VMP1: variants seen among roughly 807,000 people sequenced by gnomAD.
The protein encoded by VMP1 is ectopic P-granules autophagy protein 3 homolog.
A neutral mutation model predicts 56.0 loss-of-function variants in VMP1; 11 were observed. The ratio of observed to expected loss-of-function variants is 0.20; its 90% CI spans 0.12 to 0.32. VMP1 has a LOEUF of 0.32. Among genes scored for constraint, VMP1 ranks in the 10% least tolerant of loss-of-function variants. The pLI is 1.00. For missense variants in VMP1, 296 were observed against 490.3 expected, an observed-to-expected ratio of 0.60 and a Z score of 3.74; for synonymous variants, 149 against 165.0, an observed-to-expected ratio of 0.90 and a Z score of 0.74.
chr17:59,757,696 A>G (rs1006619573), intron 5 of VMP1, among the ~76,000 whole-genome samples: 3 of 152,176 alleles, frequency 2.0e-5, no homozygotes, highest in Admixed American at 6.5e-5. Context: ...ATCTTTGGAA[A>G]ATATAATGTA....
intron 7 of VMP1, among the ~76,000 whole-genome samples, chr17:59,800,221 A>G: frequency 6.6e-6 from 1 of 152,332 alleles, no homozygotes; most frequent in Admixed American, 6.5e-5. Flanking sequence ...TTCTATAAAG[A>G]TAATAGTTAA....
At position 59,723,266 on chromosome 17, in the gene VMP1, T is replaced by C. The variant is rs367550058; in HGVS notation, c.-26-8155T>C. Among the ~76,000 whole-genome samples the C allele has an allele frequency of 5.3e-5, 8 of 152,298 alleles. No homozygotes were observed. In the East Asian group the frequency reaches 1.5e-3, roughly 29 times the overall value. On this transcript the variant is annotated intron_variant, in intron 1 of 11. Transcript: ENST00000262291. The stretch of plus-strand genomic sequence containing the variant: ...ATCATTTTGCCTTTGAAAGAAAGAA[T>C]TGTCAGTATGTAGAGGGTATTTAAG...
intron 9 of VMP1, among the ~76,000 whole-genome samples, chr17:59,816,462 G>A (rs141514323): frequency 5.9e-5 from 9 of 152,258 alleles, no homozygotes; most frequent in Admixed American, 2.0e-4. Flanking sequence ...AATAATGTAC[G>A]TTAGTCTAAC....
intron 5 of VMP1, among the ~76,000 whole-genome samples, chr17:59,750,913 T>C (rs1366898385): frequency 6.7e-6 from 1 of 150,102 alleles, no homozygotes; most frequent in Admixed American, 6.7e-5. Context: ...GGCAGATTTT[T>C]CCAAGATAGC....
intron 10 of VMP1, among the ~76,000 whole-genome samples, chr17:59,821,534 CTTTTCT>C (rs1168861396): frequency 1.7e-5 from 2 of 119,738 alleles, no homozygotes; most frequent in Non-Finnish European, 3.2e-5. Context: ...ACCTCAGCTA[CTTTTCT>C]TTTTTTTTTT....
chr17:59,814,523 A>G (rs1293044944), intron 9 of VMP1, among the ~76,000 whole-genome samples: 1 of 152,156 alleles, frequency 6.6e-6, no homozygotes, highest in Non-Finnish European at 1.5e-5. Context: ...TATTGATATG[A>G]TTAAGGAAAC....
At position 59,766,818 on chromosome 17, in the gene VMP1, C is replaced by T. The variant is rs550948831; in HGVS notation, c.582+1680C>T. Among the ~76,000 whole-genome samples, 223 of 151,166 alleles carry T rather than the reference C, an allele frequency of 1.5e-3. 2 individuals carry two copies. Among genetic ancestry groups the T allele is most frequent in the Middle Eastern group, 6.8e-3 (2 of 292 alleles). ...TTTTTTTGAGACAGTCTTGCTCTGT[C>T]GCCCGGGCTAAAGTGTGGTAGCGCA... On this transcript the variant is annotated intron_variant, in intron 6 of 11. Transcript: ENST00000262291.
intron 5 of VMP1, among the ~76,000 whole-genome samples, chr17:59,753,006 C>T (rs1205331403): frequency 6.6e-6 from 1 of 152,122 alleles, no homozygotes; most frequent in African/African-American, 2.4e-5. Flanking sequence ...TGCAGTGGCT[C>T]GCACCTGTAT....
At chr17:59,733,751 CAATT>C (rs1196261816) in intron 2 of VMP1, among the ~76,000 whole-genome samples, 1 of 152,048 alleles carries the variant, frequency 6.6e-6, no homozygotes, top group African/African-American at 2.4e-5. Context: ...TAGATGGTGA[CAATT>C]AATAGCTAAA....
At chr17:59,776,565 A>G (rs927370499) in intron 7 of VMP1, among the ~76,000 whole-genome samples, 3 of 152,234 alleles carry the variant, frequency 2.0e-5, no homozygotes, top group Non-Finnish European at 4.4e-5. Context: ...TTCTAACTTT[A>G]TAGAAAACAG....
intron 3 of VMP1, chr17:59,735,864 G>T: frequency 6.2e-6 from 1 of 161,496 alleles, no homozygotes; most frequent in Non-Finnish European, 1.4e-5. Context: ...GATAGTTTGA[G>T]CCAATGAAAA....
chr17:59,731,357 A>T, intron 1 of VMP1, 64 bp from the exon 2 acceptor site: 2 of 948,574 alleles, frequency 2.1e-6, no homozygotes. Flanking sequence ...ATTCAGTTTT[A>T]TTCAGTCACA....
intron 10 of VMP1, among the ~76,000 whole-genome samples, chr17:59,832,761 A>ATTTTTTTTTTTTTTT (rs71145580): frequency 5.9e-5 from 6 of 101,346 alleles, no homozygotes; most frequent in Admixed American, 3.6e-4. Flanking sequence ...GCCTGGCAAT[A>ATTTTTTTTTTTTTTT]TTTTTTTTTT....
At position 59,771,630 on chromosome 17, in the gene VMP1, CAG is replaced by C. The variant is rs372510438; in HGVS notation, c.583-2121_583-2120del. The stretch of plus-strand genomic sequence containing the variant: ...GGTTTTTTTTTTTTTTTTTTTGAGA[CAG>C]AGTCTCACCTGTCACCCAAGCTGGA... On this transcript the variant is annotated intron_variant, in intron 6 of 11. Coordinates refer to ENST00000262291, the MANE Select transcript of VMP1 (RefSeq NM_030938.5). 5.0e-4 allele frequency among the ~76,000 whole-genome samples: 58 copies of C among 116,630 alleles called. 2 individuals carry two copies. The East Asian group carries it at 5.1e-3, about 10-fold the overall frequency. The allele number at this position is 116,630 out of a possible 152,430, so 76.5% of individuals were successfully genotyped here.
intron 7 of VMP1, among the ~76,000 whole-genome samples, chr17:59,797,940 A>G (rs74738450): frequency 0.037 from 5,625 of 152,278 alleles, 375 homozygotes; most frequent in African/African-American, 0.13. Context: ...GGAAAAGCTA[A>G]ATCTGTGGTA....
intron 10 of VMP1, among the ~76,000 whole-genome samples, chr17:59,831,173 A>G (rs956202326): frequency 6.6e-6 from 1 of 152,138 alleles, no homozygotes; most frequent in African/African-American, 2.4e-5. Context: ...TATCTAATCT[A>G]TTGATTTATT....
chr17:59,733,137 G>A (rs2034896119), intron 2 of VMP1, among the ~76,000 whole-genome samples: 1 of 151,992 alleles, frequency 6.6e-6, no homozygotes, highest in Non-Finnish European at 1.5e-5. Context: ...AGTGAGCTGC[G>A]ATCACACCAC....
chr17:59,720,943 A>T (rs1321347720), intron 1 of VMP1, among the ~76,000 whole-genome samples: 1 of 152,154 alleles, frequency 6.6e-6, no homozygotes, highest in Non-Finnish European at 1.5e-5. Context: ...ATTGCACTCA[A>T]GCCTGGGCAA....
chr17:59,760,681 C>T (rs2036017704), intron 5 of VMP1, among the ~76,000 whole-genome samples: 1 of 152,090 alleles, frequency 6.6e-6, no homozygotes, highest in African/African-American at 2.4e-5. Context: ...AGTGCAGTGG[C>T]GCAATCTCGG....
Sources: allele counts gnomAD v4.1 joint callset (sites outside exome capture counted in the v4.1 genomes callset), GRCh38; gene constraint gnomAD v4.1.1; transcripts MANE v1.5; gene names NCBI Gene and HGNC (gene_info 2026-07-23, HGNC 2026-07-21).